The following SLC35F4 variants were observed in gnomAD, a reference collection of about 807,000 sequenced individuals.
The protein encoded by SLC35F4 is chromosome 14 open reading frame 36.
Under a neutral mutation model 44.2 loss-of-function variants are expected in SLC35F4, and 24 were observed. The observed-to-expected ratio is 0.54, with a 90% CI of 0.39 to 0.76. SLC35F4 has a LOEUF of 0.76. Ranked by LOEUF, SLC35F4 falls within the 30% of genes least tolerant of loss-of-function variation. The pLI is 0.00. For missense variants in SLC35F4, 562 were observed against 586.1 expected, an observed-to-expected ratio of 0.96 and a Z score of 0.42; for synonymous variants, 238 against 223.6, an observed-to-expected ratio of 1.06 and a Z score of -0.57.
At chr14:57,759,507 G>A (rs966937946) in intron 1 of SLC35F4, among the ~76,000 whole-genome samples, 1 of 152,138 alleles carries the variant, frequency 6.6e-6, no homozygotes, top group Non-Finnish European at 1.5e-5. Context: ...CTGAGCCCAA[G>A]AAATTGAGGC....
At chr14:57,868,742 G>C (rs1888235048), upstream of SLC35F4, among the ~76,000 whole-genome samples, 1 of 152,134 alleles carries the variant, frequency 6.6e-6, no homozygotes, top group Non-Finnish European at 1.5e-5. Flanking sequence ...GGGACTACAG[G>C]CATGAGCCAC....
intron 7 of SLC35F4, among the ~76,000 whole-genome samples, chr14:57,566,023 C>T (rs2068188027): frequency 6.6e-6 from 1 of 152,132 alleles, no homozygotes; most frequent in Non-Finnish European, 1.5e-5. Flanking sequence ...TTCCTTATAT[C>T]TATTCCAGAG....
At chr14:57,762,024 C>A (rs377227404) in intron 1 of SLC35F4, among the ~76,000 whole-genome samples, 24 of 152,210 alleles carry the variant, frequency 1.6e-4, no homozygotes, top group East Asian at 7.7e-4. Context: ...CTAAAACATT[C>A]CATAGGTCAC....
intron 1 of SLC35F4, among the ~76,000 whole-genome samples, chr14:57,937,064 C>CTTTCT (rs1889810052): frequency 6.9e-6 from 1 of 144,218 alleles, no homozygotes; most frequent in Non-Finnish European, 1.5e-5. Flanking sequence ...ATTTTACCTG[C>CTTTCT]TTTTTTTTTT....
At chr14:57,770,197 C>T (rs1023251499) in intron 1 of SLC35F4, among the ~76,000 whole-genome samples, 1 of 152,148 alleles carries the variant, frequency 6.6e-6, no homozygotes, top group African/African-American at 2.4e-5. Flanking sequence ...CATGGAAGTG[C>T]ACTCAGAGGG....
At chr14:57,773,105 T>G (rs1361017793) in intron 1 of SLC35F4, among the ~76,000 whole-genome samples, 3 of 152,210 alleles carry the variant, frequency 2.0e-5, no homozygotes, top group Non-Finnish European at 4.4e-5. Flanking sequence ...GTTGAGCATT[T>G]TTTCATGGGT....
At chr14:57,753,691 G>A (rs2076934548) in intron 1 of SLC35F4, among the ~76,000 whole-genome samples, 1 of 152,164 alleles carries the variant, frequency 6.6e-6, no homozygotes, top group South Asian at 2.1e-4. Context: ...AAGGGACTGT[G>A]AGTTCTTCAG....
intron 1 of SLC35F4, among the ~76,000 whole-genome samples, chr14:57,828,691 G>A (rs1884042581): frequency 6.6e-6 from 1 of 152,150 alleles, no homozygotes; most frequent in Admixed American, 6.5e-5. Flanking sequence ...TGGTCTCAGT[G>A]GCCAGCTCAT....
chr14:57,623,742 T>C (rs1257612890), intron 1 of SLC35F4, among the ~76,000 whole-genome samples: 1 of 152,180 alleles, frequency 6.6e-6, no homozygotes, highest in East Asian at 1.9e-4. Context: ...AAAGATGTTC[T>C]TTGAAACCAG....
At chr14:57,758,206 T>C (rs991589466) in intron 1 of SLC35F4, among the ~76,000 whole-genome samples, 1 of 152,102 alleles carries the variant, frequency 6.6e-6, no homozygotes, top group African/African-American at 2.4e-5. Flanking sequence ...ACAATTTAAT[T>C]ATGATACGCT....
intron 1 of SLC35F4, among the ~76,000 whole-genome samples, chr14:57,798,067 G>C (rs538708681): frequency 3.1e-5 from 4 of 128,272 alleles, no homozygotes; most frequent in East Asian, 2.4e-4. Flanking sequence ...CTGCAGCCTA[G>C]AGCCAAGACC....
chr14:57,798,121 C>CA (rs60685029), intron 1 of SLC35F4, among the ~76,000 whole-genome samples: 3,233 of 42,014 alleles, frequency 0.077, 559 homozygotes, highest in Non-Finnish European at 0.1. Flanking sequence ...GACCCACGAG[C>CA]AAAAAAAAAA....
intron 1 of SLC35F4, among the ~76,000 whole-genome samples, chr14:57,664,742 G>A (rs532443080): frequency 2.4e-4 from 37 of 152,276 alleles, no homozygotes; most frequent in Non-Finnish European, 4.6e-4. Context: ...TACACAGGAC[G>A]CAATGAACAT....
intron 1 of SLC35F4, among the ~76,000 whole-genome samples, chr14:57,696,197 G>C (rs1594817399): frequency 6.6e-6 from 1 of 152,048 alleles, no homozygotes; most frequent in South Asian, 2.1e-4. Context: ...CAAAGGGCTA[G>C]TATCCAGAAT....
chr14:57,772,891 C>G (rs953619288), intron 1 of SLC35F4, among the ~76,000 whole-genome samples: 5 of 152,178 alleles, frequency 3.3e-5, no homozygotes, highest in Admixed American at 2.0e-4. Context: ...ATTGCCAGAT[C>G]AAATGGTAGT....
chr14:57,667,235 A>C (rs1566742563), intron 1 of SLC35F4, among the ~76,000 whole-genome samples: 1 of 151,910 alleles, frequency 6.6e-6, no homozygotes, highest in East Asian at 1.9e-4. Context: ...AAGGAGAGAG[A>C]CATGTTCTGC....
At chr14:57,960,220 C>A (rs1385437905) in intron 1 of SLC35F4, among the ~76,000 whole-genome samples, 2 of 152,204 alleles carry the variant, frequency 1.3e-5, no homozygotes, top group Admixed American at 6.5e-5. Context: ...CTCAGAAGAT[C>A]CTGGCAGTGA....
intron 1 of SLC35F4, among the ~76,000 whole-genome samples, chr14:57,885,980 A>G (rs1888636020): frequency 6.6e-6 from 1 of 152,210 alleles, no homozygotes; most frequent in African/African-American, 2.4e-5. Flanking sequence ...AAGGGATCAT[A>G]TACGCACATA....
chr14:57,954,065 A>G (rs1890192523), intron 1 of SLC35F4, among the ~76,000 whole-genome samples: 1 of 152,256 alleles, frequency 6.6e-6, no homozygotes. Flanking sequence ...AACAGAAAGC[A>G]TAACAAACAG....
Sources: allele counts gnomAD v4.1 joint callset (sites outside exome capture counted in the v4.1 genomes callset), GRCh38; gene constraint gnomAD v4.1.1; transcripts MANE v1.5; gene names NCBI Gene and HGNC (gene_info 2026-07-23, HGNC 2026-07-21).